Variants in IQSEC3 observed in about 807,000 individuals in gnomAD.
The protein encoded by IQSEC3 is IQ motif and SEC7 domain-containing protein 3.
Under a neutral mutation model 105.4 loss-of-function variants are expected in IQSEC3, and 50 were observed. The observed-to-expected ratio is 0.47, with a 90% CI of 0.38 to 0.60. The LOEUF is 0.60. Ranked by LOEUF, IQSEC3 falls within the 20% of genes least tolerant of loss-of-function variation. The pLI is 0.00. For synonymous variants in IQSEC3, 708 were observed against 746.0 expected, an observed-to-expected ratio of 0.95 and a Z score of 0.83; for missense variants, 1,415 against 1,630.0, an observed-to-expected ratio of 0.87 and a Z score of 2.27.
chr12:151,608 G>T (rs1211916064), intron 5 of IQSEC3, among the ~76,000 whole-genome samples: 1 of 152,076 alleles, frequency 6.6e-6, no homozygotes, highest in Non-Finnish European at 1.5e-5. Flanking sequence ...GAACAAACAG[G>T]ACCCTGTCGC....
intron 13 of IQSEC3, among the ~76,000 whole-genome samples, chr12:173,018 T>A (rs1203905554): frequency 6.6e-6 from 1 of 152,060 alleles, no homozygotes; most frequent in Non-Finnish European, 1.5e-5. Context: ...CGCTGCGAAG[T>A]CCAGGCGGAG....
At chr12:137,334 C>T (rs1224422668) in intron 3 of IQSEC3, 1 of 151,976 alleles carries the variant, frequency 6.6e-6, no homozygotes, top group Non-Finnish European at 1.5e-5. Context: ...GGGTTTTTAG[C>T]ATTTATGTTT....
intron 3 of IQSEC3, among the ~76,000 whole-genome samples, chr12:131,355 G>A (rs1425193999): frequency 6.6e-6 from 1 of 152,118 alleles, no homozygotes; most frequent in Non-Finnish European, 1.5e-5. Context: ...CCACTCCCTG[G>A]GGCTGCCTAC....
In IQSEC3 at chr12:138,986, C is replaced by A; in HGVS notation, c.1623C>A (p.Pro541=). The change falls in exon 4 of 14, where the codon CCC becomes CCA. Residue 541 remains proline, a synonymous_variant. Transcript: ENST00000538872. The surrounding 1 kb of genome is among the most constrained non-coding windows in gnomAD (Gnocchi z 7.1). ...ETSGREAPEA[P]AVGREDASAE... ...CTGGGCGGGAGGCCCCGGAAGCCCC[C>A]GCCGTGGGCCGGGAGGACGCGTCAG... 6.5e-7 allele frequency: 1 copy of A among 1,535,848 alleles called. No homozygotes were observed. The highest frequency in any genetic ancestry group is 2.4e-5 in the East Asian group (1 of 41,460).
intron 8 of IQSEC3, among the ~76,000 whole-genome samples, chr12:163,039 G>A (rs899519813): frequency 3.1e-4 from 47 of 152,064 alleles, no homozygotes; most frequent in African/African-American, 1.0e-3. Flanking sequence ...GCATGACAGG[G>A]ATGAGCCCTG....
intron 5 of IQSEC3, among the ~76,000 whole-genome samples, chr12:144,818 A>C (rs1866194208): frequency 6.6e-6 from 1 of 152,274 alleles, no homozygotes; most frequent in Non-Finnish European, 1.5e-5. Flanking sequence ...CACCCATTCC[A>C]GTGTTTACCT....
At chr12:85,434 G>A (rs956810335) in intron 1 of IQSEC3, among the ~76,000 whole-genome samples, 28 of 152,368 alleles carry the variant, frequency 1.8e-4, no homozygotes, top group South Asian at 8.3e-4. Context: ...GTGCTGCCAC[G>A]CCTGGCACTG....
chr12:138,424 G>C lies in IQSEC3; in HGVS notation c.1061G>C (p.Arg354Pro). 1 of 1,607,964 alleles carries C rather than the reference G, an allele frequency of 6.2e-7. No homozygotes were observed. The highest frequency in any genetic ancestry group is 8.5e-7 in the Non-Finnish European group (1 of 1,179,734). Reference protein sequence around the residue: ...ESRLPRRISLRKVRSPTAESL... With the variant: ...ESRLPRRISLPKVRSPTAESL... ...CGCCTGCCACGGCGGATCTCCCTGC[G>C]CAAGGTGCGGTCACCCACGGCCGAG... is the stretch of plus-strand genomic sequence containing the variant. The change falls in exon 4 of 14, where the codon CGC (arginine) becomes CCC (proline). Residue 354 changes from arginine to proline, a missense_variant. This residue lies in a region of IQSEC3 where 720 missense variants were observed against 633.0 expected (regional missense o/e 1.14). Coordinates refer to ENST00000538872, the MANE Select transcript of IQSEC3 (RefSeq NM_001170738.2). This position sits in a 1 kb window ranked among gnomAD's most constrained non-coding sequence, Gnocchi z 7.1.
rs2650199 is a variant in IQSEC3 at position 77,915 on chromosome 12, C to T, written c.554+10479C>T. 9.7e-3 allele frequency among the ~76,000 whole-genome samples: 1,447 copies of T among 149,558 alleles called. 33 individuals carry two copies. Among genetic ancestry groups the T allele is most frequent in the Non-Finnish European group, 0.016 (1,060 of 66,400 alleles). On this transcript the variant is annotated intron_variant, in intron 1 of 13. Transcript: ENST00000538872. ...TCGGCGGCGTGGGCGGGCCGGCTGG[C>T]AGCCGGCAGGCGAGAAGGAATCTCC...
At chr12:164,619 G>A (rs1365737262) in intron 9 of IQSEC3, 1 of 152,116 alleles carries the variant, frequency 6.6e-6, no homozygotes, top group African/African-American at 2.4e-5. Flanking sequence ...TAGCACTTTG[G>A]TTTTGTTTTT....
rs371571685 is a variant in IQSEC3, at chr12:90,955, G to A, written c.555-8191G>A. Among the ~76,000 whole-genome samples, 6 of 152,214 alleles carry A rather than the reference G, an allele frequency of 3.9e-5. No individual in the cohort carries two copies. In the South Asian group the frequency reaches 1.0e-3, roughly 26 times the overall value. On this transcript the variant is annotated intron_variant, in intron 1 of 13. Transcript: ENST00000538872. ...CAGTCTGCAGGCTCCACCAGCAGTA[G>A]TGATGGTGGTACCAAGATGGGTGGG...
Position 99,227 on chromosome 12 carries a change from G to GCCCTTCCT in IQSEC3, c.623+21_623+28dup. 1.3e-6 allele frequency: 2 copies of GCCCTTCCT among 1,596,980 alleles called. No individual in the cohort carries two copies. The highest frequency in any genetic ancestry group is 1.7e-6 in the Non-Finnish European group (2 of 1,178,894). On this transcript the variant is annotated intron_variant, in intron 2 of 13. Transcript: ENST00000538872. ...TGGCCTCCCAAAGGTGGGAACTGTGGCCCTTCCTCCCTTCCGCATCCCCAC... is the reference window on the plus strand; with the variant it reads ...TGGCCTCCCAAAGGTGGGAACTGTGGCCCTTCCTCCCTTCCTCCCTTCCGCATCCCCAC...
At chr12:157,719 G>A (rs782751019) in intron 7 of IQSEC3, 25 bp downstream of exon 7, 1 of 1,602,122 alleles carries the variant, frequency 6.2e-7, no homozygotes, top group Admixed American at 1.7e-5. Context: ...ACTGGGGCAG[G>A]AGGGGCAAGG....
At position 99,223 on chromosome 12, in the gene IQSEC3, TGTGG is replaced by T. The variant is rs1394176472; in HGVS notation, c.623+10_623+13del. 1 of 1,597,484 alleles carries T rather than the reference TGTGG, an allele frequency of 6.3e-7. No individual in the cohort carries two copies. Reference sequence around the variant, plus strand: ...GACCTGGCCTCCCAAAGGTGGGAACTGTGGCCCTTCCTCCCTTCCGCATCCCCAC... The same window carrying T: ...GACCTGGCCTCCCAAAGGTGGGAACTCCCTTCCTCCCTTCCGCATCCCCAC... On this transcript the variant is annotated intron_variant, in intron 2 of 13. Transcript: ENST00000538872.
intron 2 of IQSEC3, among the ~76,000 whole-genome samples, chr12:103,998 C>T (rs962784984): frequency 2.4e-4 from 35 of 148,752 alleles, no homozygotes; most frequent in African/African-American, 8.8e-4. Context: ...GCACTCTGAG[C>T]CTCTGCTAAC....
intron 1 of IQSEC3, among the ~76,000 whole-genome samples, chr12:75,870 T>C (rs1330922770): frequency 2.0e-5 from 3 of 152,242 alleles, no homozygotes; most frequent in East Asian, 1.9e-4. Flanking sequence ...GCTGAGCCCA[T>C]GCGGAAAGCT....
chr12:121,938 C>T (rs573450450), intron 2 of IQSEC3, among the ~76,000 whole-genome samples: 9 of 152,220 alleles, frequency 5.9e-5, no homozygotes, highest in African/African-American at 1.4e-4. Flanking sequence ...GTAGCAGAGC[C>T]GGGATTCTAA....
chr12:111,018 C>T lies in IQSEC3; in HGVS notation c.623+11804C>T, dbSNP rs911825424. Among the ~76,000 whole-genome samples, 10 of 152,272 alleles carry T rather than the reference C, an allele frequency of 6.6e-5. No homozygotes were observed. In the South Asian group the frequency reaches 8.3e-4, roughly 13 times the overall value. The stretch of plus-strand genomic sequence containing the variant: ...CGTGACCCCCCGATTCCTCTTCCTC[C>T]GACCTTCTTGCTGCCCCCCGATCGC... On this transcript the variant is annotated intron_variant, in intron 2 of 13. Transcript: ENST00000538872.
chr12:89,796 A>G (rs1864025425), intron 1 of IQSEC3, among the ~76,000 whole-genome samples: 1 of 152,214 alleles, frequency 6.6e-6, no homozygotes, highest in African/African-American at 2.4e-5. Flanking sequence ...TTTATTGCTG[A>G]ATAGTATTAC....
Sources: gnomAD v4.1 joint callset for allele counts (sites outside exome capture counted in the v4.1 genomes callset) on GRCh38, gnomAD v4.1.1 for gene constraint, gnomAD v4.1.1 regional missense constraint, Gnocchi (gnomAD v3.1) non-coding constraint, MANE v1.5 for transcripts, NCBI Gene and HGNC (gene_info 2026-07-23, HGNC 2026-07-21) for gene names.